EFCAB6: variants seen among roughly 807,000 people sequenced by gnomAD.
EFCAB6 encodes the protein EF-hand calcium-binding domain-containing protein 6.
Under a neutral mutation model 169.8 loss-of-function variants are expected in EFCAB6, and 156 were observed. The ratio of observed to expected loss-of-function variants is 0.92; its 90% CI spans 0.81 to 1.05. The LOEUF (loss-of-function observed/expected upper bound fraction) is 1.05, where lower values mean the gene tolerates loss of function less well. Ranked by LOEUF, EFCAB6 falls within the 50% of genes least tolerant of loss-of-function variation. EFCAB6 has a pLI of 0.00. For missense variants in EFCAB6, 1,800 were observed against 1,829.1 expected, an observed-to-expected ratio of 0.98 and a Z score of 0.29; for synonymous variants, 698 against 676.4, an observed-to-expected ratio of 1.03 and a Z score of -0.50.
intron 10 of EFCAB6, 63 bp downstream of exon 10, chr22:43,711,411 TG>T: frequency 1.4e-6 from 2 of 1,440,524 alleles, no homozygotes; most frequent in Non-Finnish European, 1.8e-6. Context: ...TAAACGAAGC[TG>T]TGCCTTATTC....
At chr22:43,730,767 G>A (rs866570351) in intron 8 of EFCAB6, among the ~76,000 whole-genome samples, 1 of 152,168 alleles carries the variant, frequency 6.6e-6, no homozygotes, top group Admixed American at 6.5e-5. Context: ...ATGAAGAGGC[G>A]ACGCAGGAAC....
At chr22:43,609,404 TGTATACACAGGAATACAAA>T (rs1166908276) in intron 21 of EFCAB6, among the ~76,000 whole-genome samples, 1 of 152,236 alleles carries the variant, frequency 6.6e-6, no homozygotes, top group Non-Finnish European at 1.5e-5. Flanking sequence ...CTGACATGAC[TGTATACACAGGAATACAAA>T]GAATCCACAA....
At chr22:43,791,369 C>G (rs1258426948) in intron 2 of EFCAB6, among the ~76,000 whole-genome samples, 1 of 126,752 alleles carries the variant, frequency 7.9e-6, no homozygotes, top group Non-Finnish European at 1.7e-5. Context: ...GTGAGACTGC[C>G]TCAAAAAAAA....
At chr22:43,603,629 C>T (rs896255407) in intron 22 of EFCAB6, among the ~76,000 whole-genome samples, 3 of 152,256 alleles carry the variant, frequency 2.0e-5, no homozygotes, top group African/African-American at 7.2e-5. Context: ...ACATACATTT[C>T]AGAAGTATCT....
At chr22:43,657,634 C>A (rs1270700332) in intron 17 of EFCAB6, among the ~76,000 whole-genome samples, 1 of 152,070 alleles carries the variant, frequency 6.6e-6, no homozygotes, top group African/African-American at 2.4e-5. Context: ...CAACTTCATA[C>A]ACCAGAGAAA....
chr22:43,602,315 C>T (rs183679721), intron 22 of EFCAB6, among the ~76,000 whole-genome samples: 13 of 152,350 alleles, frequency 8.5e-5, no homozygotes, highest in Admixed American at 7.8e-4. Context: ...AACAAGACAA[C>T]ACAGCCTCAG....
rs371413296 is a variant in EFCAB6, at chr22:43,532,344, G to A, written c.4234-1380C>T. Reference sequence around the variant, plus strand: ...TTTCACTGGGGAGGGCTCAGAAGGCGGCACTGGTGTGCTCTTCCGCAGAAG... The same window carrying A: ...TTTCACTGGGGAGGGCTCAGAAGGCAGCACTGGTGTGCTCTTCCGCAGAAG... On this transcript the variant is annotated intron_variant, in intron 30 of 31. Coordinates refer to ENST00000262726, the MANE Select transcript of EFCAB6 (RefSeq NM_022785.4). Among the ~76,000 whole-genome samples the A allele has an allele frequency of 1.1e-4, 16 of 152,218 alleles. No individual in the cohort carries two copies. In the South Asian group the frequency reaches 1.2e-3, roughly 12 times the overall value.
At chr22:43,808,101 A>G (rs2062982238) in intron 2 of EFCAB6, among the ~76,000 whole-genome samples, 1 of 152,224 alleles carries the variant, frequency 6.6e-6, no homozygotes, top group South Asian at 2.1e-4. Flanking sequence ...CAGGAAAAAT[A>G]TGGATGTTGA....
In EFCAB6 at chr22:43,628,535, A is replaced by T. The variant is rs1361801760; in HGVS notation, c.2233-1856T>A. Among the ~76,000 whole-genome samples, 1 of 150,242 alleles carries T rather than the reference A, an allele frequency of 6.7e-6. No individual in the cohort carries two copies. Among genetic ancestry groups the T allele is most frequent in the East Asian group, 2.0e-4 (1 of 5,058 alleles). On this transcript the variant is annotated intron_variant, in intron 19 of 31. Coordinates refer to ENST00000262726, the MANE Select transcript of EFCAB6 (RefSeq NM_022785.4). This position sits in a 1 kb window ranked among gnomAD's most constrained non-coding sequence, Gnocchi z 4.8. ...GAGGCGCCTCTGCTCAACCCCCTTGACTCTCCTTCTCACTCAGAGTCCAAG... is the reference window on the plus strand; with the variant it reads ...GAGGCGCCTCTGCTCAACCCCCTTGTCTCTCCTTCTCACTCAGAGTCCAAG...
intron 5 of EFCAB6, chr22:43,759,230 C>T (rs1420098002): frequency 2.0e-5 from 3 of 152,232 alleles, no homozygotes. Flanking sequence ...CCATCTGAAT[C>T]TCTGATACCT....
intron 23 of EFCAB6, among the ~76,000 whole-genome samples, chr22:43,591,908 A>C (rs2051584411): frequency 6.6e-6 from 1 of 152,228 alleles, no homozygotes; most frequent in Non-Finnish European, 1.5e-5. Flanking sequence ...TAAATTCAAT[A>C]ATTTCAACTT....
chr22:43,644,144 A>G (rs2055994967), intron 17 of EFCAB6, among the ~76,000 whole-genome samples: 1 of 152,012 alleles, frequency 6.6e-6, no homozygotes, highest in African/African-American at 2.4e-5. Context: ...TCCCAAATGC[A>G]GGTTGGATTT....
In EFCAB6 at chr22:43,809,149, T is replaced by C. The variant is rs2063020158; in HGVS notation, c.-144-18A>G. On this transcript the variant is annotated intron_variant, in intron 1 of 31. Coordinates refer to ENST00000262726, the MANE Select transcript of EFCAB6 (RefSeq NM_022785.4). ...GATGAGCCCTGTGAGAAATTTATTT[T>C]AGAAACAGGTTAGACCTATTTTTCC... 6.6e-6 allele frequency: 1 copy of C among 152,222 alleles called. No homozygotes were observed. Among genetic ancestry groups the C allele is most frequent in the South Asian group, 2.1e-4 (1 of 4,832 alleles). The allele number at this position is 152,222 out of a possible 1,614,324, so 9.4% of individuals were successfully genotyped here. A position where few individuals can be genotyped will look rare whatever the true frequency, so the allele number is the denominator to read the frequency against.
At chr22:43,773,574 A>C (rs1303110098) in intron 3 of EFCAB6, among the ~76,000 whole-genome samples, 4 of 152,208 alleles carry the variant, frequency 2.6e-5, no homozygotes, top group African/African-American at 9.6e-5. Flanking sequence ...AGGGCTGGGC[A>C]CGGTGGCTCA....
chr22:43,799,354 C>T (rs1426463253), intron 2 of EFCAB6, among the ~76,000 whole-genome samples: 4 of 150,744 alleles, frequency 2.7e-5, no homozygotes, highest in Non-Finnish European at 5.9e-5. Context: ...CACACACACA[C>T]ACACAAACAT....
rs553316858 is a variant in EFCAB6 at position 43,563,086 on chromosome 22, G to A, written c.3421-7990C>T. Among the ~76,000 whole-genome samples, 291 of 152,306 alleles carry A rather than the reference G, an allele frequency of 1.9e-3. 2 individuals are homozygous for A. Among genetic ancestry groups the A allele is most frequent in the Non-Finnish European group, 3.2e-4 (22 of 67,988 alleles). On this transcript the variant is annotated intron_variant, in intron 26 of 31. Transcript: ENST00000262726. Reference sequence around the variant, plus strand: ...CTGCCCTTGTTCAGCGCCTCACAGGGTGCGCTCCTGAGCAGCAGGCAGCAC... The same window carrying A: ...CTGCCCTTGTTCAGCGCCTCACAGGATGCGCTCCTGAGCAGCAGGCAGCAC...
In EFCAB6 at chr22:43,791,949, C is replaced by A. The variant is rs2062310042; in HGVS notation, c.-7-9624G>T. ...AAACGCAGCAGGAGAGAAAGAAGAGCCTCGCTGGTTCCCACGGTTGGCCAA... is the reference window on the plus strand; with the variant it reads ...AAACGCAGCAGGAGAGAAAGAAGAGACTCGCTGGTTCCCACGGTTGGCCAA... On this transcript the variant is annotated intron_variant, in intron 2 of 31. Coordinates refer to ENST00000262726, the MANE Select transcript of EFCAB6 (RefSeq NM_022785.4). Among the ~76,000 whole-genome samples the A allele has an allele frequency of 2.6e-5, 4 of 152,158 alleles. No homozygotes were observed. In the South Asian group the frequency reaches 8.3e-4, roughly 32 times the overall value.
intron 6 of EFCAB6, among the ~76,000 whole-genome samples, chr22:43,741,947 C>T (rs961364489): frequency 3.3e-5 from 5 of 152,112 alleles, no homozygotes; most frequent in South Asian, 2.1e-4. Context: ...CAGCGCCTGG[C>T]GGGAGGAGTA....
chr22:43,658,366 G>A (rs1345295835), intron 17 of EFCAB6, among the ~76,000 whole-genome samples: 3 of 152,214 alleles, frequency 2.0e-5, no homozygotes, highest in Admixed American at 6.5e-5. Flanking sequence ...GGTGATTGTG[G>A]GGGTGGACAT....
Sources: gnomAD v4.1 joint callset for allele counts (sites outside exome capture counted in the v4.1 genomes callset) on GRCh38, gnomAD v4.1.1 for gene constraint, Gnocchi (gnomAD v3.1) non-coding constraint, MANE v1.5 for transcripts, NCBI Gene and HGNC (gene_info 2026-07-23, HGNC 2026-07-21) for gene names.